Variants in ZBTB20 observed in about 807,000 individuals in gnomAD.
ZBTB20 encodes zinc finger and BTB domain containing 20, also known as zinc finger and BTB domain-containing protein 20.
In ZBTB20, 9 loss-of-function variants were observed where a neutral mutation model predicts 56.9. The observed-to-expected ratio is 0.16, with a 90% confidence interval of 0.10 to 0.28. ZBTB20 has a LOEUF of 0.28. Ranked by LOEUF, ZBTB20 falls within the 10% of genes least tolerant of loss-of-function variation. ZBTB20 has a pLI of 1.00. For synonymous variants in ZBTB20, 417 were observed against 420.7 expected, an observed-to-expected ratio of 0.99 and a Z score of 0.11; for missense variants, 655 against 1,003.0, an observed-to-expected ratio of 0.65 and a Z score of 4.69.
At chr3:114,687,391 G>C (rs1037930298) in intron 6 of ZBTB20, 2 of 151,834 alleles carry the variant, frequency 1.3e-5, no homozygotes, top group African/African-American at 4.8e-5. Flanking sequence ...CAGCAGGAGA[G>C]AATGGTAAAA....
chr3:114,673,380 T>C (rs1200118715), intron 6 of ZBTB20, among the ~76,000 whole-genome samples: 1 of 152,116 alleles, frequency 6.6e-6, no homozygotes, highest in Non-Finnish European at 1.5e-5. Flanking sequence ...GTGTGTAAAA[T>C]GCCTTGAGCC....
intron 6 of ZBTB20, among the ~76,000 whole-genome samples, chr3:114,581,732 G>A (rs892155711): frequency 2.6e-5 from 4 of 151,094 alleles, no homozygotes; most frequent in African/African-American, 9.7e-5. Context: ...ATTCAATTCC[G>A]ATCAGACTGA....
At chr3:115,123,902 T>C (rs2084251689) in intron 1 of ZBTB20, among the ~76,000 whole-genome samples, 1 of 152,126 alleles carries the variant, frequency 6.6e-6, no homozygotes, top group South Asian at 2.1e-4. Flanking sequence ...TCAGTAAAGA[T>C]TTCACAAGGC....
intron 7 of ZBTB20, among the ~76,000 whole-genome samples, chr3:114,425,529 T>A (rs2089570348): frequency 6.6e-6 from 1 of 152,186 alleles, no homozygotes. Flanking sequence ...GTCTTTGGCT[T>A]CTATAATTTA....
intron 6 of ZBTB20, among the ~76,000 whole-genome samples, chr3:114,678,993 T>TCCTA (rs1414502613): frequency 6.6e-6 from 1 of 152,108 alleles, no homozygotes; most frequent in African/African-American, 2.4e-5. Context: ...TGAGGTAAGG[T>TCCTA]CCTAGGTGCT....
intron 4 of ZBTB20, among the ~76,000 whole-genome samples, chr3:114,868,185 G>A (rs2075845892): frequency 6.6e-6 from 1 of 152,144 alleles, no homozygotes; most frequent in Non-Finnish European, 1.5e-5. Context: ...CCAATGTGTG[G>A]TATCTATGCT....
chr3:114,753,417 A>ATATATATATACACACACG (rs2067751255), intron 5 of ZBTB20, among the ~76,000 whole-genome samples: 1 of 137,410 alleles, frequency 7.3e-6, no homozygotes, highest in African/African-American at 2.8e-5. Context: ...ACACACGTAT[A>ATATATATATACACACACG]TATATATATA....
intron 6 of ZBTB20, among the ~76,000 whole-genome samples, chr3:114,674,723 T>G (rs2061532581): frequency 6.6e-6 from 1 of 152,218 alleles, no homozygotes; most frequent in Non-Finnish European, 1.5e-5. Flanking sequence ...TTGTAACTGA[T>G]TTTCTTTGCA....
At chr3:114,577,141 G>A (rs140219880) in intron 6 of ZBTB20, among the ~76,000 whole-genome samples, 2 of 152,058 alleles carry the variant, frequency 1.3e-5, no homozygotes, top group East Asian at 3.9e-4. Context: ...ACTGAACGTA[G>A]AAAGGATTGG....
chr3:114,513,246 C>T (rs1350040113), intron 6 of ZBTB20, among the ~76,000 whole-genome samples: 1 of 152,114 alleles, frequency 6.6e-6, no homozygotes. Flanking sequence ...CATTATTCCA[C>T]CTCTATGTTA....
intron 2 of ZBTB20, among the ~76,000 whole-genome samples, chr3:115,065,610 G>A (rs1681746327): frequency 6.6e-6 from 1 of 152,142 alleles, no homozygotes; most frequent in Non-Finnish European, 1.5e-5. Context: ...CTGGAAGTCT[G>A]CTGTTAAATT....
chr3:114,893,904 A>C (rs549013470), intron 4 of ZBTB20, among the ~76,000 whole-genome samples: 1 of 152,190 alleles, frequency 6.6e-6, no homozygotes, highest in African/African-American at 2.4e-5. Context: ...AGGAGCGCTA[A>C]AACACTAAGC....
intron 5 of ZBTB20, among the ~76,000 whole-genome samples, chr3:114,727,626 C>T (rs529848430): frequency 5.3e-5 from 8 of 152,168 alleles, no homozygotes; most frequent in Admixed American, 2.0e-4. Context: ...TGCATAACTT[C>T]GAGGGCAGTA....
At chr3:114,790,588 T>C (rs761001383) in intron 5 of ZBTB20, among the ~76,000 whole-genome samples, 2 of 151,582 alleles carry the variant, frequency 1.3e-5, no homozygotes, top group Non-Finnish European at 2.9e-5. Flanking sequence ...GAAATCAGTA[T>C]ACTTTTTTTT....
intron 2 of ZBTB20, among the ~76,000 whole-genome samples, chr3:115,033,825 T>C (rs1226951383): frequency 6.6e-6 from 1 of 151,784 alleles, no homozygotes; most frequent in African/African-American, 2.4e-5. Context: ...ATATCTCTTA[T>C]GAGCATTGAC....
intron 1 of ZBTB20, among the ~76,000 whole-genome samples, chr3:115,115,333 T>C (rs954378169): frequency 2.0e-5 from 3 of 152,078 alleles, no homozygotes; most frequent in African/African-American, 7.2e-5. Flanking sequence ...ATAGATAACA[T>C]AGATTTTCAA....
Position 115,110,897 on chromosome 3 carries a change from G to A in ZBTB20, c.-703+36322C>T, listed in dbSNP as rs551606445. On this transcript the variant is annotated intron_variant, in intron 1 of 11. Coordinates refer to ENST00000675478, the MANE Select transcript of ZBTB20 (RefSeq NM_001348800.3). ...CCACCTACCCAAGAGGCTGAGACAGGAAAAATTACTTGAACCTGGGAGGCA... is the reference window on the plus strand; with the variant it reads ...CCACCTACCCAAGAGGCTGAGACAGAAAAAATTACTTGAACCTGGGAGGCA... 2.4e-4 allele frequency among the ~76,000 whole-genome samples: 37 copies of A among 152,056 alleles called. No homozygotes were observed. The South Asian group carries it at 7.5e-3, about 31-fold the overall frequency.
At position 114,972,398 on chromosome 3, in the gene ZBTB20, C is replaced by A. The variant is rs536729670; in HGVS notation, c.-456+1968G>T. Among the ~76,000 whole-genome samples, 44 of 152,122 alleles carry A rather than the reference C, an allele frequency of 2.9e-4. No individual in the cohort carries two copies. The South Asian group carries it at 7.3e-3, about 25-fold the overall frequency. On this transcript the variant is annotated intron_variant, in intron 3 of 11. Coordinates refer to ENST00000675478, the MANE Select transcript of ZBTB20 (RefSeq NM_001348800.3). Reference sequence around the variant, plus strand: ...TACAATCCTGCATGTACCATTGGTACCTGCATAGTACCATTTCTGCATAAG... The same window carrying A: ...TACAATCCTGCATGTACCATTGGTAACTGCATAGTACCATTTCTGCATAAG...
At chr3:114,390,252 C>T (rs2085708885) in intron 7 of ZBTB20, among the ~76,000 whole-genome samples, 1 of 152,148 alleles carries the variant, frequency 6.6e-6, no homozygotes, top group Non-Finnish European at 1.5e-5. Context: ...TAGATTCATC[C>T]ATGTTCTTGC....
Sources: allele counts gnomAD v4.1 joint callset (sites outside exome capture counted in the v4.1 genomes callset), GRCh38; gene constraint gnomAD v4.1.1; transcripts MANE v1.5; gene names NCBI Gene and HGNC (gene_info 2026-07-23, HGNC 2026-07-21).